The following SIN3A variants were observed in gnomAD, a reference collection of about 807,000 sequenced individuals.
SIN3A encodes paired amphipathic helix protein Sin3a.
SIN3A carries 14 observed loss-of-function variants against 146.1 expected under a neutral mutation model. The observed-to-expected ratio is 0.10, with a 90% CI of 0.06 to 0.15. The LOEUF (loss-of-function observed/expected upper bound fraction) is 0.15, where lower values mean the gene tolerates loss of function less well. Ranked by LOEUF, SIN3A falls within the 10% of genes least tolerant of loss-of-function variation. The pLI is 1.00. For missense variants in SIN3A, 1,028 were observed against 1,576.0 expected (o/e 0.65, Z 5.89); for synonymous variants, 572 against 572.0 (o/e 1.00, Z 0.00).
chr15:75,376,164 C>T (rs2072851734), intron 19 of SIN3A: 1 of 466,408 alleles, frequency 2.1e-6, no homozygotes, highest in Admixed American at 3.7e-5. Flanking sequence ...ATGTAATTAC[C>T]AGCTACAGTT....
At chr15:75,437,532 G>C (rs1005626138) in intron 1 of SIN3A, among the ~76,000 whole-genome samples, 1 of 152,154 alleles carries the variant, frequency 6.6e-6, no homozygotes, top group Non-Finnish European at 1.5e-5. Context: ...TCACATACCT[G>C]ACTAAAAGAG....
intron 5 of SIN3A, among the ~76,000 whole-genome samples, chr15:75,412,416 G>C (rs866177623): frequency 6.6e-6 from 1 of 152,134 alleles, no homozygotes; most frequent in African/African-American, 2.4e-5. Context: ...AAATAACCAT[G>C]TGGGCAGCAG....
chr15:75,452,626 CTAAGAGGGCGGAG>C (rs1463467385), upstream of SIN3A, among the ~76,000 whole-genome samples: 2 of 152,310 alleles, frequency 1.3e-5, no homozygotes, highest in African/African-American at 4.8e-5. Flanking sequence ...ATATGCAGTC[CTAAGAGGGCGGAG>C]ATAACCAAAA....
At chr15:75,427,235 T>C (rs936081744) in intron 2 of SIN3A, among the ~76,000 whole-genome samples, 1 of 152,152 alleles carries the variant, frequency 6.6e-6, no homozygotes, top group African/African-American at 2.4e-5. Flanking sequence ...TAGCCGGGCA[T>C]GGTGGCTTGC....
chr15:75,418,428 C>T (rs189504934), intron 3 of SIN3A, among the ~76,000 whole-genome samples: 2 of 152,128 alleles, frequency 1.3e-5, no homozygotes, highest in African/African-American at 4.8e-5. Context: ...TGAGTTCAAG[C>T]GATTCTCGTG....
At chr15:75,376,309 T>C (rs2072854730) in intron 19 of SIN3A, 2 of 176,684 alleles carry the variant, frequency 1.1e-5, no homozygotes, top group Admixed American at 1.1e-4. Context: ...TGCAGAAAAA[T>C]GTACCCCAAT....
At chr15:75,394,628 G>A (rs1288221827) in intron 14 of SIN3A, 52 bp downstream of exon 14, 4 of 1,435,442 alleles carry the variant, frequency 2.8e-6, no homozygotes, top group Non-Finnish European at 3.8e-6. Flanking sequence ...AATCAAAGCT[G>A]TGCTAAATAT....
intron 1 of SIN3A, among the ~76,000 whole-genome samples, chr15:75,450,335 A>G (rs2074379976): frequency 6.6e-6 from 1 of 152,190 alleles, no homozygotes; most frequent in Non-Finnish European, 1.5e-5. Flanking sequence ...ACGCACCGAA[A>G]CAGACGCCAA....
intron 14 of SIN3A, 63 bp from the exon 15 acceptor site, chr15:75,392,878 AC>A: frequency 8.3e-7 from 1 of 1,202,932 alleles, no homozygotes; most frequent in Non-Finnish European, 1.2e-6. Flanking sequence ...TGTCTACAAG[AC>A]CACATCAGCC....
At position 75,375,743 on chromosome 15, in the gene SIN3A, C is replaced by G. The variant is rs745852705; in HGVS notation, c.3513G>C (p.Leu1171=). The change falls in exon 20 of 21, where the codon CTG becomes CTC. Residue 1171 remains leucine, a synonymous_variant. Coordinates refer to ENST00000394947, the MANE Select transcript of SIN3A (RefSeq NM_001145358.2). ...TCACATACACCATCTTGTAGGAATT[C>G]AGCTTGAATCTACACTCCAGCTTAT... is the stretch of plus-strand genomic sequence containing the variant. ...SLDKLECRFK[L]NSYKMVYVIK... 1.9e-6 allele frequency: 3 copies of G among 1,614,116 alleles called. No homozygotes were observed. Among genetic ancestry groups the G allele is most frequent in the Non-Finnish European group, 2.5e-6 (3 of 1,180,012 alleles).
At chr15:75,412,164 A>G (rs1245257483) in intron 5 of SIN3A, among the ~76,000 whole-genome samples, 1 of 152,206 alleles carries the variant, frequency 6.6e-6, no homozygotes. Flanking sequence ...AGATGATGGA[A>G]ATGTCCTTTA....
rs763396315 is a variant in SIN3A, at chr15:75,370,324, T to C, written c.*1655A>G. On this transcript the variant is annotated 3_prime_UTR_variant, in exon 21 of 21. Coordinates refer to ENST00000394947, the MANE Select transcript of SIN3A (RefSeq NM_001145358.2). ...AAAATTTTGTTTTTCTTTTTGGTGG[T>C]GGTGGTGATTTTTAACTAAAAAGCA... is the stretch of plus-strand genomic sequence containing the variant. 1 of 152,166 alleles carries C rather than the reference T, an allele frequency of 6.6e-6. No homozygotes were observed. Among genetic ancestry groups the C allele is most frequent in the African/African-American group, 2.4e-5 (1 of 41,442 alleles). The allele number at this position is 152,166 out of a possible 1,614,324, so 9.4% of individuals were successfully genotyped here.
chr15:75,394,988 G>T, intron 13 of SIN3A, 125 bp from the exon 14 acceptor site: 1 of 781,700 alleles, frequency 1.3e-6, no homozygotes, highest in Non-Finnish European at 2.0e-6. Context: ...CAAAATTACT[G>T]GCAACTTGGG....
At chr15:75,411,033 A>C (rs2073628400) in intron 6 of SIN3A, among the ~76,000 whole-genome samples, 1 of 151,316 alleles carries the variant, frequency 6.6e-6, no homozygotes, top group South Asian at 2.1e-4. Flanking sequence ...CAGGCAAATA[A>C]AACTGGCTTT....
At chr15:75,429,556 TA>T (rs978933196) in intron 2 of SIN3A, among the ~76,000 whole-genome samples, 7 of 152,242 alleles carry the variant, frequency 4.6e-5, no homozygotes, top group Non-Finnish European at 7.3e-5. Context: ...CTGTCTTTTT[TA>T]AAAATAAATA....
intron 14 of SIN3A, among the ~76,000 whole-genome samples, chr15:75,393,804 G>A (rs777079790): frequency 3.1e-4 from 47 of 151,810 alleles, no homozygotes; most frequent in Non-Finnish European, 6.5e-4. Context: ...GGAGGATTAA[G>A]TTTATTTATT....
At chr15:75,376,149 T>C (rs2072851571) in intron 19 of SIN3A, 2 of 499,774 alleles carry the variant, frequency 4.0e-6, no homozygotes, top group Non-Finnish European at 3.6e-6. Context: ...TCTGTAAATT[T>C]ACACATGTAA....
rs780887824 is a variant in SIN3A at position 75,396,240 on chromosome 15, G to A, written c.2093+18C>T. ...AGTGAAGTACACTAAAGCACTAAGG[G>A]CACATTTGCTCATGTACCTTTTAAG... On this transcript the variant is annotated intron_variant, in intron 13 of 20. Transcript: ENST00000394947. The A allele has an allele frequency of 1.3e-6, 2 of 1,550,030 alleles. No homozygotes were observed. The highest frequency in any genetic ancestry group is 1.8e-6 in the Non-Finnish European group (2 of 1,122,730).
intron 9 of SIN3A, among the ~76,000 whole-genome samples, chr15:75,404,956 C>A (rs2073482234): frequency 1.3e-5 from 2 of 151,618 alleles, no homozygotes. Flanking sequence ...CCAGCCAGGG[C>A]AAAACATTGA....
Sources: allele counts gnomAD v4.1 joint callset (sites outside exome capture counted in the v4.1 genomes callset), GRCh38; gene constraint gnomAD v4.1.1; transcripts MANE v1.5; gene names NCBI Gene and HGNC (gene_info 2026-07-23, HGNC 2026-07-21).